The following FYN variants were observed in gnomAD, a reference collection of about 807,000 sequenced individuals.
FYN encodes FYN proto-oncogene, Src family tyrosine kinase, also known as tyrosine-protein kinase Fyn.
A neutral mutation model predicts 70.2 loss-of-function variants in FYN; 10 were observed. That is an observed-to-expected ratio of 0.14 (90% confidence interval 0.09 to 0.24). The LOEUF is 0.24. Ranked by LOEUF, FYN falls within the 10% of genes least tolerant of loss-of-function variation. The pLI, the probability that FYN is intolerant of heterozygous loss-of-function variation, is 1.00. For missense variants in FYN, 319 were observed against 673.1 expected (o/e 0.47, Z 5.82); for synonymous variants, 236 against 248.6 (o/e 0.95, Z 0.48).
chr6:111,661,474 T>C lies in FYN; in HGVS notation c.*265A>G. On this transcript the variant is annotated 3_prime_UTR_variant, in exon 14 of 14. Coordinates refer to ENST00000354650, the MANE Select transcript of FYN (RefSeq NM_002037.5). This position sits in a 1 kb window ranked among gnomAD's most constrained non-coding sequence, Gnocchi z 4.0. ...GTAACTATTTACACTGAACAGAGGT[T>C]TGGCCTTTTACATAACATCGATACA... 4.8e-6 allele frequency: 2 copies of C among 419,192 alleles called. No individual in the cohort carries two copies. Among genetic ancestry groups the C allele is most frequent in the South Asian group, 7.7e-5 (2 of 25,914 alleles). 26.0% of individuals were successfully genotyped at this position (419,192 alleles called of 1,614,324 possible).
chr6:111,837,988 C>T (rs952866124), intron 2 of FYN, among the ~76,000 whole-genome samples: 4 of 152,208 alleles, frequency 2.6e-5, no homozygotes, highest in African/African-American at 9.7e-5. Context: ...ACACATTTCA[C>T]AACTTAATGA....
At chr6:111,673,619 A>ATTTTTTTTTTT (rs1184612877) in intron 13 of FYN, among the ~76,000 whole-genome samples, 3 of 64,992 alleles carry the variant, frequency 4.6e-5, no homozygotes, top group Admixed American at 2.1e-4. Context: ...CGTTTCTATC[A>ATTTTTTTTTTT]TTGTTTTTTT....
At chr6:111,868,891 T>C (rs1774190262) in intron 1 of FYN, among the ~76,000 whole-genome samples, 1 of 152,230 alleles carries the variant, frequency 6.6e-6, no homozygotes, top group Non-Finnish European at 1.5e-5. Flanking sequence ...TAGTAAATGC[T>C]CAACAAATGT....
intron 3 of FYN, among the ~76,000 whole-genome samples, chr6:111,756,891 GCC>G (rs1802761330): frequency 1.3e-5 from 2 of 152,130 alleles, no homozygotes; most frequent in Non-Finnish European, 2.9e-5. Flanking sequence ...AATGCTAACA[GCC>G]TTCCCTTTAA....
chr6:111,662,047 C>T (rs139925754), intron 13 of FYN, 100 bp from the exon 14 acceptor site: 8 of 965,894 alleles, frequency 8.3e-6, no homozygotes, highest in South Asian at 8.0e-5. Context: ...CTGCATGTGG[C>T]TAAAACATGC....
chr6:111,762,444 ATATGCCTTGT>A (rs1803045870), intron 3 of FYN, among the ~76,000 whole-genome samples: 1 of 152,188 alleles, frequency 6.6e-6, no homozygotes, highest in Non-Finnish European at 1.5e-5. Context: ...TGGGGGTCAG[ATATGCCTTGT>A]TATACCCTCC....
At chr6:111,843,696 T>C (rs1773431937) in intron 2 of FYN, among the ~76,000 whole-genome samples, 1 of 152,168 alleles carries the variant, frequency 6.6e-6, no homozygotes, top group African/African-American at 2.4e-5. Context: ...CATTCATGCC[T>C]GCTCAATTTT....
At chr6:111,699,780 A>T in intron 9 of FYN, 1 of 1,083,586 alleles carries the variant, frequency 9.2e-7, no homozygotes. Flanking sequence ...CTCAACAAAT[A>T]TTTGCTTTTG....
chr6:111,720,183 G>A, intron 3 of FYN, 121 bp from the exon 4 acceptor site: 1 of 1,173,058 alleles, frequency 8.5e-7, no homozygotes, highest in Non-Finnish European at 1.2e-6. Context: ...CTATTAGGGG[G>A]CATGAGGAAA....
At chr6:111,699,001 C>G (rs9372306) in intron 9 of FYN, among the ~76,000 whole-genome samples, 5,443 of 152,174 alleles carry the variant, frequency 0.036, 157 homozygotes, top group East Asian at 0.13. Context: ...GAGAATCACT[C>G]GAACCTGGGA....
chr6:111,839,168 T>C (rs2114448788), intron 2 of FYN, among the ~76,000 whole-genome samples: 1 of 152,298 alleles, frequency 6.6e-6, no homozygotes, highest in African/African-American at 2.4e-5. Flanking sequence ...CAGCCACCTA[T>C]AGAAGAGTTT....
At chr6:111,719,310 CAAA>C (rs770724122) in intron 4 of FYN, among the ~76,000 whole-genome samples, 1 of 60,202 alleles carries the variant, frequency 1.7e-5, no homozygotes, top group Non-Finnish European at 3.5e-5. Flanking sequence ...AGGAAACTTC[CAAA>C]AAAAAAAAAA....
At chr6:111,702,823 T>C (rs1229474510) in intron 8 of FYN, 62 bp downstream of exon 8, 1 of 1,538,786 alleles carries the variant, frequency 6.5e-7, no homozygotes, top group Non-Finnish European at 8.9e-7. Context: ...ACTTTCCTGC[T>C]CTGGGCCTAT....
At chr6:111,688,136 T>C (rs1480630230) in intron 12 of FYN, among the ~76,000 whole-genome samples, 1 of 152,190 alleles carries the variant, frequency 6.6e-6, no homozygotes, top group Non-Finnish European at 1.5e-5. Context: ...CTACTAATTG[T>C]CTTCTTGAAT....
intron 2 of FYN, among the ~76,000 whole-genome samples, chr6:111,839,142 C>T (rs1436664220): frequency 6.6e-6 from 1 of 152,204 alleles, no homozygotes; most frequent in African/African-American, 2.4e-5. Flanking sequence ...TGCTGCCAAA[C>T]TTCTGTCCAT....
At chr6:111,872,773 C>A (rs894783656) in intron 1 of FYN, among the ~76,000 whole-genome samples, 195 bp downstream of exon 1, 1 of 151,830 alleles carries the variant, frequency 6.6e-6, no homozygotes, top group Non-Finnish European at 1.5e-5. Context: ...CCGCACCCCG[C>A]AGGGGTGTCC....
chr6:111,829,117 CTG>C (rs1229262375), intron 2 of FYN, among the ~76,000 whole-genome samples: 2 of 152,214 alleles, frequency 1.3e-5, no homozygotes, highest in African/African-American at 4.8e-5. Flanking sequence ...AAATGGAAAA[CTG>C]TTAGAAAACA....
At chr6:111,865,493 C>A (rs1774079484) in intron 1 of FYN, among the ~76,000 whole-genome samples, 1 of 152,192 alleles carries the variant, frequency 6.6e-6, no homozygotes, top group Admixed American at 6.5e-5. Context: ...TATATTCTTC[C>A]AGGATTACTG....
chr6:111,861,409 C>A (rs1432589629), intron 1 of FYN, among the ~76,000 whole-genome samples: 1 of 152,182 alleles, frequency 6.6e-6, no homozygotes, highest in Non-Finnish European at 1.5e-5. Flanking sequence ...TGATCTCCCA[C>A]ATTTAAGGTG....
Sources: allele counts gnomAD v4.1 joint callset (sites outside exome capture counted in the v4.1 genomes callset), GRCh38; gene constraint gnomAD v4.1.1; non-coding constraint Gnocchi (gnomAD v3.1); transcripts MANE v1.5; gene names NCBI Gene and HGNC (gene_info 2026-07-23, HGNC 2026-07-21).